Variants in NCKAP5 observed in about 807,000 individuals in gnomAD.
NCKAP5 encodes nck-associated protein 5.
In NCKAP5, 92 loss-of-function variants were observed where a neutral mutation model predicts 167.0. That is an observed-to-expected ratio of 0.55 (90% CI 0.47 to 0.66). The LOEUF is 0.66. NCKAP5 is among the 30% of genes least tolerant of loss of function. The pLI is 0.00. For synonymous variants in NCKAP5, 891 were observed against 877.4 expected (o/e 1.02, Z -0.27); for missense variants, 2,378 against 2,315.0 (o/e 1.03, Z -0.56).
chr2:132,874,504 T>A (rs1276873871), intron 9 of NCKAP5, among the ~76,000 whole-genome samples: 3 of 152,206 alleles, frequency 2.0e-5, no homozygotes, highest in Non-Finnish European at 4.4e-5. Context: ...GCATGTAGCA[T>A]GTGGATCAGA....
chr2:133,659,429 A>G, the NCKAP5 span, among the ~76,000 whole-genome samples: 1 of 152,240 alleles, frequency 6.6e-6, no homozygotes, highest in African/African-American at 2.4e-5. Flanking sequence ...ACCTTGCACT[A>G]AGCGAAGAAC....
intron 19 of NCKAP5, among the ~76,000 whole-genome samples, chr2:132,725,341 G>T (rs143991889): frequency 6.6e-6 from 1 of 152,154 alleles, no homozygotes; most frequent in Non-Finnish European, 1.5e-5. Context: ...TATCTTTATA[G>T]TCATTCCTTC....
At chr2:133,097,988 T>C (rs1157886845) in intron 6 of NCKAP5, among the ~76,000 whole-genome samples, 2 of 152,212 alleles carry the variant, frequency 1.3e-5, no homozygotes, top group Admixed American at 6.5e-5. Context: ...GAAAAGTCAC[T>C]GGCTTTTGGC....
chr2:133,432,264 T>C (rs1480592925), intron 3 of NCKAP5, among the ~76,000 whole-genome samples: 1 of 152,190 alleles, frequency 6.6e-6, no homozygotes, highest in East Asian at 1.9e-4. Flanking sequence ...TAAAAATTGC[T>C]CATTCATTAT....
rs138519788 is a variant in NCKAP5 at position 133,496,601 on chromosome 2, C to A, written c.69+20857G>T. On this transcript the variant is annotated intron_variant, in intron 3 of 19. Transcript: ENST00000409261. ...TTCTTAAGGTGTGAGCTCTAGCCCA[C>A]CAGCATGGGTATCAGCAACTTGTTA... is the stretch of plus-strand genomic sequence containing the variant. 3.3e-5 allele frequency among the ~76,000 whole-genome samples: 5 copies of A among 152,270 alleles called. No homozygotes were observed. In the East Asian group the frequency reaches 9.6e-4, roughly 29 times the overall value.
chr2:132,816,229 T>C (rs1686258561), intron 11 of NCKAP5, among the ~76,000 whole-genome samples: 1 of 152,060 alleles, frequency 6.6e-6, no homozygotes, highest in Non-Finnish European at 1.5e-5. Context: ...GCACAATTTG[T>C]GGGGCCCAGA....
In NCKAP5 at chr2:132,746,380, GTATAT is replaced by G. The variant is rs1381064399; in HGVS notation, c.5129-14334_5129-14330del. Among the ~76,000 whole-genome samples, 521 of 152,032 alleles carry G rather than the reference GTATAT, an allele frequency of 3.4e-3. 5 individuals carry two copies. Among genetic ancestry groups the G allele is most frequent in the African/African-American group, 0.012 (489 of 41,488 alleles). ...GAAAAGTAAACCCTTTTCTCACACTGTATATAAAAATTAACACATAAACCCAAACA... is the reference window on the plus strand; with the variant it reads ...GAAAAGTAAACCCTTTTCTCACACTGAAAAATTAACACATAAACCCAAACA... On this transcript the variant is annotated intron_variant, in intron 16 of 19. Transcript: ENST00000409261.
chr2:132,686,823 C>G (rs948544696), intron 19 of NCKAP5, among the ~76,000 whole-genome samples: 4 of 152,116 alleles, frequency 2.6e-5, no homozygotes, highest in Admixed American at 6.6e-5. Context: ...GAGATAATAA[C>G]TCCCCCAGTA....
chr2:133,276,410 C>A (rs541378914), intron 4 of NCKAP5, among the ~76,000 whole-genome samples: 1 of 152,070 alleles, frequency 6.6e-6, no homozygotes, highest in African/African-American at 2.4e-5. Flanking sequence ...CAAATGGGAA[C>A]TAACTACAGA....
intron 3 of NCKAP5, among the ~76,000 whole-genome samples, chr2:133,367,650 T>C (rs969504267): frequency 6.6e-6 from 1 of 152,108 alleles, no homozygotes; most frequent in East Asian, 1.9e-4. Context: ...ATTTGTTAGA[T>C]AGTTAATATA....
chr2:133,436,889 A>G (rs980485629), intron 3 of NCKAP5, among the ~76,000 whole-genome samples: 2 of 152,078 alleles, frequency 1.3e-5, no homozygotes, highest in East Asian at 1.9e-4. Context: ...TCCTTTAATT[A>G]TTAATGGTGC....
the NCKAP5 span, among the ~76,000 whole-genome samples, chr2:133,618,102 T>G: frequency 6.6e-6 from 1 of 150,802 alleles, no homozygotes; most frequent in Non-Finnish European, 1.5e-5. Flanking sequence ...GCTAGCCATA[T>G]GTAGAAAGCT....
In NCKAP5 at chr2:133,017,727, C is replaced by CG. The variant is rs35903585; in HGVS notation, c.342-23489_342-23488insC. ...TTTCTGTAAGGCAAGTTCTTCCCCG[C>CG]CCCCCCACTGTTTCCTTCTCTCCCC... is the stretch of plus-strand genomic sequence containing the variant. On this transcript the variant is annotated intron_variant, in intron 6 of 19. Transcript: ENST00000409261. Among the ~76,000 whole-genome samples, 609 of 128,212 alleles carry CG rather than the reference C, an allele frequency of 4.7e-3. 4 individuals carry two copies. Among genetic ancestry groups the CG allele is most frequent in the Middle Eastern group, 0.03 (7 of 230 alleles). The allele number at this position is 128,212 out of a possible 152,430, so 84.1% of individuals were successfully genotyped here. A position where few individuals can be genotyped will look rare whatever the true frequency, so the allele number is the denominator to read the frequency against.
the NCKAP5 span, among the ~76,000 whole-genome samples, chr2:133,601,203 T>C: frequency 6.6e-6 from 1 of 152,202 alleles, no homozygotes; most frequent in Non-Finnish European, 1.5e-5. Context: ...GAACCATCTT[T>C]GGATGTGCTG....
intron 19 of NCKAP5, among the ~76,000 whole-genome samples, chr2:132,715,984 T>A (rs527899327): frequency 6.6e-6 from 1 of 152,222 alleles, no homozygotes; most frequent in South Asian, 2.1e-4. Context: ...GTACCCATTA[T>A]CTCCCTGTGG....
At chr2:132,955,355 A>G (rs2076307775) in intron 8 of NCKAP5, among the ~76,000 whole-genome samples, 1 of 152,158 alleles carries the variant, frequency 6.6e-6, no homozygotes. Context: ...CACTGGGCAC[A>G]TGTGGGAAGG....
At chr2:133,113,719 C>G (rs1363031669) in intron 6 of NCKAP5, among the ~76,000 whole-genome samples, 7 of 152,124 alleles carry the variant, frequency 4.6e-5, no homozygotes, top group Non-Finnish European at 8.8e-5. Context: ...ACCCAAGATC[C>G]AAAAAGTAGC....
chr2:133,012,518 G>T (rs1249273279), intron 6 of NCKAP5, among the ~76,000 whole-genome samples: 2 of 152,222 alleles, frequency 1.3e-5, no homozygotes, highest in African/African-American at 4.8e-5. Flanking sequence ...AAAGTGCTGG[G>T]ATTACAGGCG....
At chr2:133,293,172 C>T (rs957784909) in intron 4 of NCKAP5, among the ~76,000 whole-genome samples, 10 of 152,054 alleles carry the variant, frequency 6.6e-5, no homozygotes, top group African/African-American at 2.4e-4. Context: ...TTCTTGCAAA[C>T]AAGGTTTAGA....
Sources: gnomAD v4.1 joint callset for allele counts (sites outside exome capture counted in the v4.1 genomes callset) on GRCh38, gnomAD v4.1.1 for gene constraint, MANE v1.5 for transcripts, NCBI Gene and HGNC (gene_info 2026-07-23, HGNC 2026-07-21) for gene names.